GRIN2C: variants seen among roughly 807,000 people sequenced by gnomAD.
The protein encoded by GRIN2C is glutamate receptor ionotropic, NMDA 2C.
In GRIN2C, 64 loss-of-function variants were observed where a neutral mutation model predicts 77.7. The ratio of observed to expected loss-of-function variants is 0.82; its 90% CI spans 0.67 to 1.01. The LOEUF is 1.01. Ranked by LOEUF, GRIN2C falls within the 50% of genes least tolerant of loss-of-function variation. The probability of loss-of-function intolerance (pLI) is 0.00; values close to 1 mark genes in which losing one functional copy is unlikely to be tolerated. For synonymous variants in GRIN2C, 792 were observed against 643.4 expected, an observed-to-expected ratio of 1.23 and a Z score of -3.49; for missense variants, 1,549 against 1,486.0, an observed-to-expected ratio of 1.04 and a Z score of -0.70.
intron 4 of GRIN2C, 94 bp downstream of exon 4, chr17:74,851,483 G>C: frequency 1.4e-6 from 1 of 710,202 alleles, no homozygotes; most frequent in Non-Finnish European, 2.5e-6. Context: ...GTTGGATAAG[G>C]GACAGAGGGA....
chr17:74,846,319 C>G lies in GRIN2C; in HGVS notation c.2163-66G>C, dbSNP rs1224555699. ...AGGGGAGGGGACACCGAAACTGGGG[C>G]GTGACAGGGGTCTAAACCACATGAG... On this transcript the variant is annotated intron_variant, in intron 10 of 12. Coordinates refer to ENST00000293190, the MANE Select transcript of GRIN2C (RefSeq NM_000835.6). This position sits in a 1 kb window ranked among gnomAD's most constrained non-coding sequence, Gnocchi z 4.4. The G allele has an allele frequency of 2.8e-6, 4 of 1,435,098 alleles. No homozygotes were observed. Among genetic ancestry groups the G allele is most frequent in the Non-Finnish European group, 3.9e-6 (4 of 1,027,120 alleles). The allele number at this position is 1,435,098 out of a possible 1,614,324, so 88.9% of individuals were successfully genotyped here. A position where few individuals can be genotyped will look rare whatever the true frequency, so the allele number is the denominator to read the frequency against.
Position 74,847,194 on chromosome 17 carries a change from T to A in GRIN2C, c.2001+114A>T, listed in dbSNP as rs1181248662. 3 of 851,748 alleles carry A rather than the reference T, an allele frequency of 3.5e-6. No individual in the cohort carries two copies. In the African/African-American group the frequency reaches 5.0e-5, roughly 14 times the overall value. The allele number at this position is 851,748 out of a possible 1,614,324, so 52.8% of individuals were successfully genotyped here. On this transcript the variant is annotated intron_variant, in intron 9 of 12. Transcript: ENST00000293190. The surrounding 1 kb of genome is among the most constrained non-coding windows in gnomAD (Gnocchi z 5.2). ...CTCAGCAGGCCCTGAAGCTTCTTCC[T>A]GCCCCAGCCTCCAGGTCAAATTCCC...
Position 74,850,654 on chromosome 17 carries a change from T to C in GRIN2C, c.1227A>G (p.Glu409=), listed in dbSNP as rs1232559553. ...DSRHLTVATL[E]ERPFVIVESP... is the part of the protein sequence containing the mutation. ...TCTCCACGATGACAAAGGGCCGCTC[T>C]TCCAGCGTGGCCACCGTCAGGTGCC... The change falls in exon 5 of 13, where the codon GAA becomes GAG. Residue 409 remains glutamate, a synonymous_variant. Transcript: ENST00000293190. This position sits in a 1 kb window ranked among gnomAD's most constrained non-coding sequence, Gnocchi z 5.3. 1 of 1,613,656 alleles carries C rather than the reference T, an allele frequency of 6.2e-7. No homozygotes were observed. Among genetic ancestry groups the C allele is most frequent in the South Asian group, 1.1e-5 (1 of 91,082 alleles).
Position 74,847,246 on chromosome 17 carries a change from A to T in GRIN2C, c.2001+62T>A. 9.4e-7 allele frequency: 1 copy of T among 1,064,326 alleles called. No homozygotes were observed. The highest frequency in any genetic ancestry group is 1.4e-6 in the Non-Finnish European group (1 of 709,712). The allele number at this position is 1,064,326 out of a possible 1,614,324, so 65.9% of individuals were successfully genotyped here. On this transcript the variant is annotated intron_variant, in intron 9 of 12. Coordinates refer to ENST00000293190, the MANE Select transcript of GRIN2C (RefSeq NM_000835.6). This position sits in a 1 kb window ranked among gnomAD's most constrained non-coding sequence, Gnocchi z 5.2. ...AGACTCGACTGTCCAGGGCCTGCCCACTCACGGCCTGTCCCCACCCTCAGT... is the reference window on the plus strand; with the variant it reads ...AGACTCGACTGTCCAGGGCCTGCCCTCTCACGGCCTGTCCCCACCCTCAGT...
chr17:74,842,221 ACT>A lies in GRIN2C; in HGVS notation c.*212_*213del. ...CCCCACAGCACACCCTCCTGGCAGA[ACT>A]CTGCGTGAGAAGAGGACAGCAAAAG... is the stretch of plus-strand genomic sequence containing the variant. On this transcript the variant is annotated 3_prime_UTR_variant, in exon 13 of 13. Transcript: ENST00000293190. 1 of 502,196 alleles carries A rather than the reference ACT, an allele frequency of 2.0e-6. No individual in the cohort carries two copies. The highest frequency in any genetic ancestry group is 3.5e-6 in the Non-Finnish European group (1 of 285,322). 31.1% of individuals were successfully genotyped at this position (502,196 alleles called of 1,614,324 possible).
In GRIN2C at chr17:74,852,574, A is replaced by G; in HGVS notation, c.437T>C (p.Leu146Pro). 6.8e-7 allele frequency: 1 copy of G among 1,477,898 alleles called. No individual in the cohort carries two copies. Among genetic ancestry groups the G allele is most frequent in the Non-Finnish European group, 9.0e-7 (1 of 1,114,100 alleles). 91.5% of individuals were successfully genotyped at this position (1,477,898 alleles called of 1,614,324 possible). A position where few individuals can be genotyped will look rare whatever the true frequency, so the allele number is the denominator to read the frequency against. Residue 146 changes from leucine (L) to proline (P), a missense_variant, in exon 3 of 13, where the codon CTG (leucine) becomes CCG (proline). Around this residue, in one of 3 missense-constraint regions of GRIN2C, gnomAD observed 382 missense variants for 360.0 expected, o/e 1.06. Transcript: ENST00000293190. The stretch of plus-strand genomic sequence containing the variant: ...GAACAGCACCTGCAGCTGCTGCTCC[A>G]GGGACACGCCCAGCTGCAGGAAGGC... ...GSAFLQLGVS[L>P]EQQLQVLFKV...
At chr17:74,844,652 C>CT (rs1718316238) in intron 11 of GRIN2C, 144 bp from the exon 12 acceptor site, 2 of 1,422,696 alleles carry the variant, frequency 1.4e-6, no homozygotes, top group South Asian at 2.9e-5. Context: ...CATGGGGATC[C>CT]AGCCTGGCTG....
At chr17:74,845,302 T>C (rs1476049700) in intron 11 of GRIN2C, among the ~76,000 whole-genome samples, 1 of 146,446 alleles carries the variant, frequency 6.8e-6, no homozygotes, top group Non-Finnish European at 1.5e-5. Context: ...TCTCACTCTG[T>C]CACCCAGGCT....
chr17:74,850,385 G>T lies in GRIN2C; in HGVS notation c.1326-14C>A. Reference sequence around the variant, plus strand: ...ACGTCCCCGCTGCTGCAGCCATGCCGCCATGAGACCACCGGGAGTCAGAGT... The same window carrying T: ...ACGTCCCCGCTGCTGCAGCCATGCCTCCATGAGACCACCGGGAGTCAGAGT... On this transcript the variant is annotated splice_polypyrimidine_tract_variant and intron_variant, in intron 5 of 12. Transcript: ENST00000293190. The surrounding 1 kb of genome is among the most constrained non-coding windows in gnomAD (Gnocchi z 5.3). 1 of 1,606,880 alleles carries T rather than the reference G, an allele frequency of 6.2e-7. No individual in the cohort carries two copies.
chr17:74,849,120 G>GT lies in GRIN2C; in HGVS notation c.1645+659dup, dbSNP rs200525671. Among the ~76,000 whole-genome samples the GT allele has an allele frequency of 1.2e-4, 18 of 148,464 alleles. No individual in the cohort carries two copies. Among genetic ancestry groups the GT allele is most frequent in the Admixed American group, 2.7e-4 (4 of 14,920 alleles). On this transcript the variant is annotated intron_variant, in intron 7 of 12. Coordinates refer to ENST00000293190, the MANE Select transcript of GRIN2C (RefSeq NM_000835.6). The surrounding 1 kb of genome is among the most constrained non-coding windows in gnomAD (Gnocchi z 4.6). ...TGAGCACTTGCTATGCTATGAAGTGGTTTTTTTTTTCCTCTCTTCCGTGGC... is the reference window on the plus strand; with the variant it reads ...TGAGCACTTGCTATGCTATGAAGTGGTTTTTTTTTTTCCTCTCTTCCGTGGC...
chr17:74,848,067 A>T, intron 7 of GRIN2C, 90 bp from the exon 8 acceptor site: 1 of 1,447,930 alleles, frequency 6.9e-7, no homozygotes. Flanking sequence ...GGTCCACGTG[A>T]TCAAAGTAGG....
In GRIN2C at chr17:74,850,800, C is replaced by A; in HGVS notation, c.1114-33G>T. ...GGGTGACAGCCTCAGCCTGGGGCCT[C>A]CAGCCCTACAGCCCCCACCCTCTAG... On this transcript the variant is annotated intron_variant, in intron 4 of 12. Coordinates refer to ENST00000293190, the MANE Select transcript of GRIN2C (RefSeq NM_000835.6). The surrounding 1 kb of genome is among the most constrained non-coding windows in gnomAD (Gnocchi z 5.3). 1 of 1,555,994 alleles carries A rather than the reference C, an allele frequency of 6.4e-7. No homozygotes were observed.
At chr17:74,858,521 C>G (rs2037875722) in intron 1 of GRIN2C, among the ~76,000 whole-genome samples, 1 of 152,056 alleles carries the variant, frequency 6.6e-6, no homozygotes, top group Middle Eastern at 3.4e-3. Flanking sequence ...GTCTCATCAC[C>G]CCGTCTAACC....
chr17:74,855,257 G>A, intron 1 of GRIN2C, 150 bp from the exon 2 acceptor site: 1 of 617,686 alleles, frequency 1.6e-6, no homozygotes, highest in Non-Finnish European at 2.7e-6. Context: ...GAGAGAGAGG[G>A]AGACAGACAG....
intron 1 of GRIN2C, among the ~76,000 whole-genome samples, chr17:74,858,034 T>C (rs2037861402): frequency 6.6e-6 from 1 of 152,170 alleles, no homozygotes; most frequent in African/African-American, 2.4e-5. Context: ...CTTTGGACAG[T>C]GTGACCCTGG....
chr17:74,850,022 C>T lies in GRIN2C; in HGVS notation c.1492-89G>A. On this transcript the variant is annotated intron_variant, in intron 6 of 12. Coordinates refer to ENST00000293190, the MANE Select transcript of GRIN2C (RefSeq NM_000835.6). This position sits in a 1 kb window ranked among gnomAD's most constrained non-coding sequence, Gnocchi z 5.3. Reference sequence around the variant, plus strand: ...GCACCTCCAGACACCCCTTCTAGCACCCACCAGCTGAGTCAATCATTCCCT... The same window carrying T: ...GCACCTCCAGACACCCCTTCTAGCATCCACCAGCTGAGTCAATCATTCCCT... 1 of 1,445,906 alleles carries T rather than the reference C, an allele frequency of 6.9e-7. No homozygotes were observed. The highest frequency in any genetic ancestry group is 9.5e-7 in the Non-Finnish European group (1 of 1,055,242). 89.6% of individuals were successfully genotyped at this position (1,445,906 alleles called of 1,614,324 possible).
upstream of GRIN2C, among the ~76,000 whole-genome samples, chr17:74,861,159 G>C (rs1175715213): frequency 6.6e-6 from 1 of 152,180 alleles, no homozygotes; most frequent in African/African-American, 2.4e-5. Context: ...TGGACGCTTC[G>C]CCCGCGTCCT....
upstream of GRIN2C, chr17:74,860,646 G>A (rs1861275277): frequency 7.9e-6 from 3 of 380,494 alleles, 1 homozygote; most frequent in South Asian, 3.8e-5. Flanking sequence ...CCCAGCGCCA[G>A]GTCTTGCTCG....
rs2037504417 is a variant in GRIN2C at position 74,847,645 on chromosome 17, G to T, written c.1772-108C>A. On this transcript the variant is annotated intron_variant, in intron 8 of 12. Coordinates refer to ENST00000293190, the MANE Select transcript of GRIN2C (RefSeq NM_000835.6). This position sits in a 1 kb window ranked among gnomAD's most constrained non-coding sequence, Gnocchi z 5.2. ...GCTCCGGTCTCAGCCTGGCCTTGGG[G>T]GGGACGCGTCCTGGCCATTCCCTCG... 1 of 938,694 alleles carries T rather than the reference G, an allele frequency of 1.1e-6. No individual in the cohort carries two copies. Among genetic ancestry groups the T allele is most frequent in the Non-Finnish European group, 1.6e-6 (1 of 611,676 alleles). 58.1% of individuals were successfully genotyped at this position (938,694 alleles called of 1,614,324 possible). A position where few individuals can be genotyped will look rare whatever the true frequency, so the allele number is the denominator to read the frequency against.
Sources: gnomAD v4.1 joint callset for allele counts (sites outside exome capture counted in the v4.1 genomes callset) on GRCh38, gnomAD v4.1.1 for gene constraint, gnomAD v4.1.1 regional missense constraint, Gnocchi (gnomAD v3.1) non-coding constraint, MANE v1.5 for transcripts, NCBI Gene and HGNC (gene_info 2026-07-23, HGNC 2026-07-21) for gene names.